PCBP3: variants seen among roughly 807,000 people sequenced by gnomAD.
PCBP3 encodes poly(rC) binding protein 3, also known as poly(rC)-binding protein 3.
In PCBP3, 25 loss-of-function variants were observed where a neutral mutation model predicts 52.7. The observed-to-expected ratio is 0.47, with a 90% CI of 0.35 to 0.66. The LOEUF is 0.66. Among genes scored for constraint, PCBP3 ranks in the 30% least tolerant of loss-of-function variants. PCBP3 has a pLI of 0.01. For synonymous variants in PCBP3, 162 were observed against 183.0 expected, an observed-to-expected ratio of 0.89 and a Z score of 0.93; for missense variants, 391 against 490.3, an observed-to-expected ratio of 0.80 and a Z score of 1.91.
chr21:45,852,510 C>G (rs113490972), intron 5 of PCBP3, among the ~76,000 whole-genome samples: 39 of 94,230 alleles, frequency 4.1e-4, no homozygotes, highest in African/African-American at 1.3e-3. Flanking sequence ...CTGTAGCCAC[C>G]CTGACTTTTG....
chr21:45,787,357 A>G (rs1569222908), intron 4 of PCBP3, among the ~76,000 whole-genome samples: 1 of 149,798 alleles, frequency 6.7e-6, no homozygotes, highest in Non-Finnish European at 1.5e-5. Context: ...TGATCCTTCC[A>G]CCCCAGCCTC....
At position 45,737,654 on chromosome 21, in the gene PCBP3, C is replaced by A. The variant is rs2145909005; in HGVS notation, c.-162+2225C>A. Among the ~76,000 whole-genome samples the A allele has an allele frequency of 6.6e-6, 1 of 152,316 alleles. No individual in the cohort carries two copies. The highest frequency in any genetic ancestry group is 2.1e-4 in the South Asian group (1 of 4,832). ...CCCATCGCCTGCCAGCATGTGGGTTCTGGAGGCTGCAGCAGGCAGATTCTG... is the reference window on the plus strand; with the variant it reads ...CCCATCGCCTGCCAGCATGTGGGTTATGGAGGCTGCAGCAGGCAGATTCTG... On this transcript the variant is annotated intron_variant, in intron 3 of 17. Transcript: ENST00000681687. The surrounding 1 kb of genome is among the most constrained non-coding windows in gnomAD (Gnocchi z 4.9).
intron 10 of PCBP3, among the ~76,000 whole-genome samples, chr21:45,910,354 A>G (rs1448996786): frequency 6.6e-6 from 1 of 151,668 alleles, no homozygotes; most frequent in Admixed American, 6.6e-5. Flanking sequence ...GGCCCTGGGC[A>G]CTGGGTGCTG....
chr21:45,905,934 G>T (rs2096192972), intron 9 of PCBP3, among the ~76,000 whole-genome samples: 1 of 152,230 alleles, frequency 6.6e-6, no homozygotes, highest in African/African-American at 2.4e-5. Context: ...ATTCTCGACA[G>T]AGTCCACTAA....
intron 3 of PCBP3, among the ~76,000 whole-genome samples, chr21:45,742,583 T>C (rs978051107): frequency 6.6e-6 from 1 of 152,232 alleles, no homozygotes. Context: ...CGTCTCTTAT[T>C]GTGTTTACAT....
At chr21:45,725,178 G>A (rs1187496843) in intron 2 of PCBP3, among the ~76,000 whole-genome samples, 1 of 152,168 alleles carries the variant, frequency 6.6e-6, no homozygotes, top group South Asian at 2.1e-4. Context: ...CTGGGCTGCG[G>A]TGCGTTGGCT....
chr21:45,915,777 C>G (rs571368123), intron 12 of PCBP3: 1 of 152,282 alleles, frequency 6.6e-6, no homozygotes, highest in South Asian at 2.1e-4. Flanking sequence ...AGGACAGAGT[C>G]GCAGGGAGTT....
intron 1 of PCBP3, among the ~76,000 whole-genome samples, chr21:45,653,229 A>T (rs563903725): frequency 6.6e-6 from 1 of 152,328 alleles, no homozygotes; most frequent in South Asian, 2.1e-4. Flanking sequence ...TCAATGTACT[A>T]TACTAAATAT....
Position 45,688,988 on chromosome 21 carries a change from C to T in PCBP3, c.-200+20036C>T, listed in dbSNP as rs574847334. On this transcript the variant is annotated intron_variant, in intron 2 of 17. Transcript: ENST00000681687. ...CCACTAAGAAAACTTGAGGCCCAGA[C>T]GAATTCTATCAAAAGTTTGAGAAAA... is the stretch of plus-strand genomic sequence containing the variant. Among the ~76,000 whole-genome samples the T allele has an allele frequency of 7.2e-5, 11 of 151,936 alleles. No individual in the cohort carries two copies. In the South Asian group the frequency reaches 1.7e-3, roughly 23 times the overall value.
At chr21:45,844,734 A>C (rs923795336) in intron 4 of PCBP3, among the ~76,000 whole-genome samples, 1 of 152,126 alleles carries the variant, frequency 6.6e-6, no homozygotes, top group African/African-American at 2.4e-5. Flanking sequence ...ACTCTGGTAC[A>C]TATGAAACCA....
chr21:45,918,280 G>A (rs1308274340), intron 13 of PCBP3: 4 of 155,170 alleles, frequency 2.6e-5, no homozygotes, highest in Non-Finnish European at 4.3e-5. Flanking sequence ...CTCCTGCTGG[G>A]TCTAGGTGTA....
At chr21:45,695,863 G>A (rs904708826) in intron 2 of PCBP3, among the ~76,000 whole-genome samples, 6 of 151,780 alleles carry the variant, frequency 4.0e-5, no homozygotes, top group Non-Finnish European at 8.8e-5. Context: ...GGTGGGTCAC[G>A]AGGTCAGGAG....
chr21:45,722,727 C>T (rs2084743612), intron 2 of PCBP3, among the ~76,000 whole-genome samples: 2 of 152,010 alleles, frequency 1.3e-5, no homozygotes, highest in African/African-American at 4.8e-5. Flanking sequence ...TGTAGCCGGG[C>T]ACAGTGGCTC....
chr21:45,925,665 T>G (rs991458558), intron 13 of PCBP3, among the ~76,000 whole-genome samples: 33 of 151,520 alleles, frequency 2.2e-4, no homozygotes, highest in African/African-American at 7.5e-4. Flanking sequence ...TGCAACAAAA[T>G]CAGCTGGTGT....
chr21:45,797,449 AGAGTGAAT>A (rs1295436160), intron 4 of PCBP3, among the ~76,000 whole-genome samples: 1 of 152,106 alleles, frequency 6.6e-6, no homozygotes, highest in Non-Finnish European at 1.5e-5. Context: ...GGATCCACAG[AGAGTGAAT>A]GCATGGATAG....
At chr21:45,771,596 C>T (rs1406382744) in intron 4 of PCBP3, among the ~76,000 whole-genome samples, 2 of 152,134 alleles carry the variant, frequency 1.3e-5, no homozygotes, top group East Asian at 3.9e-4. Context: ...AAGAAACTGA[C>T]AATAGAAGGA....
intron 4 of PCBP3, among the ~76,000 whole-genome samples, chr21:45,757,687 A>G (rs928837185): frequency 2.6e-5 from 4 of 152,038 alleles, no homozygotes; most frequent in Non-Finnish European, 5.9e-5. Flanking sequence ...CCCATTTTCA[A>G]TTAATTTTTG....
chr21:45,909,073 C>A (rs896662745), intron 9 of PCBP3, among the ~76,000 whole-genome samples: 36 of 152,100 alleles, frequency 2.4e-4, no homozygotes, highest in East Asian at 9.6e-4. Context: ...GTCCACACCC[C>A]CTTCCCACCA....
chr21:45,823,127 G>A (rs1157668178), intron 4 of PCBP3, among the ~76,000 whole-genome samples: 1 of 152,192 alleles, frequency 6.6e-6, no homozygotes, highest in Non-Finnish European at 1.5e-5. Context: ...GACGTAGTGG[G>A]TGAGATTAGA....
Sources: allele counts gnomAD v4.1 joint callset (sites outside exome capture counted in the v4.1 genomes callset), GRCh38; gene constraint gnomAD v4.1.1; non-coding constraint Gnocchi (gnomAD v3.1); transcripts MANE v1.5; gene names NCBI Gene and HGNC (gene_info 2026-07-23, HGNC 2026-07-21).